Variants in RNF180 observed in about 807,000 individuals in gnomAD.
RNF180 encodes E3 ubiquitin-protein ligase RNF180.
RNF180 carries 38 observed loss-of-function variants against 59.2 expected under a neutral mutation model. The ratio of observed to expected loss-of-function variants is 0.64; its 90% CI spans 0.50 to 0.84. The LOEUF (loss-of-function observed/expected upper bound fraction) is 0.84, where lower values mean the gene tolerates loss of function less well. Ranked by LOEUF, RNF180 falls within the 40% of genes least tolerant of loss-of-function variation. The pLI, the probability that RNF180 is intolerant of heterozygous loss-of-function variation, is 0.00. For synonymous variants in RNF180, 262 were observed against 240.3 expected (o/e 1.09, Z -0.84); for missense variants, 705 against 700.9 (o/e 1.01, Z -0.07).
chr5:64,198,768 G>A (rs983348059), intron 1 of RNF180, among the ~76,000 whole-genome samples: 3 of 152,132 alleles, frequency 2.0e-5, no homozygotes, highest in African/African-American at 4.8e-5. Flanking sequence ...AAGTGTGTTC[G>A]TGCTTCAACA....
intron 5 of RNF180, among the ~76,000 whole-genome samples, chr5:64,239,323 T>C (rs1238924014): frequency 1.3e-5 from 2 of 152,178 alleles, no homozygotes; most frequent in Admixed American, 6.5e-5. Flanking sequence ...TCATATGCTC[T>C]TTAATGTTTG....
chr5:64,173,446 C>T (rs1185899008), intron 1 of RNF180, among the ~76,000 whole-genome samples: 2 of 152,018 alleles, frequency 1.3e-5, no homozygotes, highest in Non-Finnish European at 2.9e-5. Context: ...TATTTATTAC[C>T]TCAAAGATTT....
intron 5 of RNF180, among the ~76,000 whole-genome samples, chr5:64,259,665 G>GT (rs1398619566): frequency 1.3e-5 from 2 of 152,156 alleles, no homozygotes; most frequent in Non-Finnish European, 2.9e-5. Flanking sequence ...GCTCACACCT[G>GT]TAATCCCAGC....
chr5:64,280,336 A>C (rs1330719533), intron 5 of RNF180, among the ~76,000 whole-genome samples: 1 of 151,900 alleles, frequency 6.6e-6, no homozygotes, highest in Non-Finnish European at 1.5e-5. Flanking sequence ...ATATTTGTCA[A>C]TTTTTGTTTT....
intron 5 of RNF180, among the ~76,000 whole-genome samples, chr5:64,239,057 G>T (rs1168674283): frequency 1.3e-5 from 2 of 152,008 alleles, no homozygotes; most frequent in African/African-American, 4.8e-5. Context: ...GTCTGATTTT[G>T]CTTTTGGAAA....
intron 1 of RNF180, among the ~76,000 whole-genome samples, chr5:64,178,771 G>GA (rs1394156781): frequency 6.6e-6 from 1 of 152,098 alleles, no homozygotes; most frequent in African/African-American, 2.4e-5. Context: ...TAGCCATTAG[G>GA]AAAACTGTAC....
At chr5:64,279,164 G>A (rs926955278) in intron 5 of RNF180, among the ~76,000 whole-genome samples, 1 of 152,184 alleles carries the variant, frequency 6.6e-6, no homozygotes, top group Non-Finnish European at 1.5e-5. Context: ...GAAGCTAAAA[G>A]GAGACTCTAT....
intron 1 of RNF180, among the ~76,000 whole-genome samples, chr5:64,173,635 C>G (rs999495564): frequency 6.6e-6 from 1 of 151,950 alleles, no homozygotes; most frequent in African/African-American, 2.4e-5. Flanking sequence ...TTCCCTTTCC[C>G]CTTTCCCTTT....
intron 5 of RNF180, among the ~76,000 whole-genome samples, chr5:64,231,381 C>A (rs988349143): frequency 6.6e-6 from 1 of 152,134 alleles, no homozygotes; most frequent in Non-Finnish European, 1.5e-5. Context: ...TTTACACTTA[C>A]TAATGAGCAA....
At chr5:64,318,842 C>T (rs1446086171) in intron 5 of RNF180, among the ~76,000 whole-genome samples, 1 of 151,606 alleles carries the variant, frequency 6.6e-6, no homozygotes, top group Non-Finnish European at 1.5e-5. Context: ...TTTAAATGCC[C>T]AAGAAAAAAC....
At chr5:64,226,901 C>T (rs141314977) in intron 5 of RNF180, among the ~76,000 whole-genome samples, 2,875 of 152,252 alleles carry the variant, frequency 0.019, 89 homozygotes, top group African/African-American at 0.065. Context: ...TGGAAGTTGG[C>T]AACCAAAAAG....
At chr5:64,210,124 G>A (rs954793537) in intron 2 of RNF180, among the ~76,000 whole-genome samples, 2 of 152,124 alleles carry the variant, frequency 1.3e-5, no homozygotes, top group African/African-American at 4.8e-5. Context: ...GGGTTCTTAA[G>A]TTTAGCGTGT....
At chr5:64,188,638 T>C (rs1269677428) in intron 1 of RNF180, among the ~76,000 whole-genome samples, 1 of 152,182 alleles carries the variant, frequency 6.6e-6, no homozygotes, top group African/African-American at 2.4e-5. Flanking sequence ...AGCTCTAAGT[T>C]CTTTGGTCAT....
intron 5 of RNF180, among the ~76,000 whole-genome samples, chr5:64,271,552 G>T (rs569750080): frequency 6.6e-6 from 1 of 152,082 alleles, no homozygotes; most frequent in South Asian, 2.1e-4. Context: ...ATCTAAGTTT[G>T]TGTAAGAACA....
chr5:64,298,819 A>C (rs908530128), intron 5 of RNF180, among the ~76,000 whole-genome samples: 2 of 152,016 alleles, frequency 1.3e-5, no homozygotes, highest in Non-Finnish European at 2.9e-5. Context: ...CAGTGCAGAG[A>C]CAACTTTATT....
At chr5:64,256,279 C>G (rs937917217) in intron 5 of RNF180, among the ~76,000 whole-genome samples, 3 of 152,140 alleles carry the variant, frequency 2.0e-5, no homozygotes, top group African/African-American at 7.2e-5. Context: ...CTTGCCCGTG[C>G]CTATGTCCTG....
At chr5:64,316,582 T>A (rs1261480836) in intron 5 of RNF180, among the ~76,000 whole-genome samples, 1 of 152,208 alleles carries the variant, frequency 6.6e-6, no homozygotes, top group Admixed American at 6.5e-5. Context: ...TTTGTGAAAT[T>A]GTCCCTGCAT....
rs1487719232 is a variant in RNF180, at chr5:64,371,019, T to C, written c.*1205T>C. 2 of 151,736 alleles carry C rather than the reference T, an allele frequency of 1.3e-5. No homozygotes were observed. The highest frequency in any genetic ancestry group is 1.5e-5 in the Non-Finnish European group (1 of 67,732). The allele number at this position is 151,736 out of a possible 1,614,324, so 9.4% of individuals were successfully genotyped here. On this transcript the variant is annotated 3_prime_UTR_variant, in exon 8 of 8. Transcript: ENST00000389100. ...AAAAACATTGGGATCAACTGGGCTT[T>C]AACAGTTTCAATCTATGAAAAGCCA...
intron 1 of RNF180, among the ~76,000 whole-genome samples, chr5:64,178,947 T>G (rs1277758123): frequency 6.6e-6 from 1 of 152,152 alleles, no homozygotes; most frequent in Non-Finnish European, 1.5e-5. Context: ...GCGTCTATTC[T>G]TTTAAAAAAA....
Sources: gnomAD v4.1 joint callset for allele counts (sites outside exome capture counted in the v4.1 genomes callset) on GRCh38, gnomAD v4.1.1 for gene constraint, MANE v1.5 for transcripts, NCBI Gene and HGNC (gene_info 2026-07-23, HGNC 2026-07-21) for gene names.